The following ZNF382 variants were observed in gnomAD, a reference collection of about 807,000 sequenced individuals.
ZNF382 encodes KRAB/zinc finger suppressor protein 1.
ZNF382 carries 20 observed loss-of-function variants against 38.8 expected under a neutral mutation model. The observed-to-expected ratio is 0.51, with a 90% CI of 0.36 to 0.75. The LOEUF is 0.75. Ranked by LOEUF, ZNF382 falls within the 30% of genes least tolerant of loss-of-function variation. The pLI is 0.00. For missense variants in ZNF382, 546 were observed against 654.1 expected (o/e 0.83, Z 1.80); for synonymous variants, 202 against 223.1 (o/e 0.91, Z 0.84).
chr19:36,611,363 G>A (rs2037076652), intron 4 of ZNF382, among the ~76,000 whole-genome samples: 1 of 151,964 alleles, frequency 6.6e-6, no homozygotes, highest in Non-Finnish European at 1.5e-5. Flanking sequence ...TCTACTTGCT[G>A]TCTCTGTAAA....
Position 36,627,169 on chromosome 19 carries a change from T to A in ZNF382, c.1272T>A (p.Thr424=). 1 of 1,614,150 alleles carries A rather than the reference T, an allele frequency of 6.2e-7. No individual in the cohort carries two copies. The highest frequency in any genetic ancestry group is 2.2e-5 in the East Asian group (1 of 44,880). ...CATTTATCCAGAAGACAACCCTCAC[T>A]GTTCATCAGAGAACTCACACAGGAG... The part of the protein sequence containing the change: ...GKAFIQKTTL[T]VHQRTHTGEK... Residue 424 remains threonine, a synonymous_variant, in exon 5 of 5, where the codon ACT becomes ACA. Transcript: ENST00000292928.
At chr19:36,612,726 C>T (rs1309625739) in intron 4 of ZNF382, among the ~76,000 whole-genome samples, 2 of 152,114 alleles carry the variant, frequency 1.3e-5, no homozygotes, top group Non-Finnish European at 2.9e-5. Flanking sequence ...ATGTTGAAAA[C>T]TTTTTCAAGT....
chr19:36,632,066 T>A lies in ZNF382; in HGVS notation c.*4516T>A, dbSNP rs1171717338. ...GGGCTCAGAATCATCTAGCTGCACA[T>A]TCCTCAGTGGTTTTATTCACACACA... On this transcript the variant is annotated 3_prime_UTR_variant, in exon 5 of 5. Coordinates refer to ENST00000292928, the MANE Select transcript of ZNF382 (RefSeq NM_032825.5). 1 of 152,198 alleles carries A rather than the reference T, an allele frequency of 6.6e-6. No homozygotes were observed. Among genetic ancestry groups the A allele is most frequent in the African/African-American group, 2.4e-5 (1 of 41,462 alleles). The allele number at this position is 152,198 out of a possible 1,614,324, so 9.4% of individuals were successfully genotyped here.
chr19:36,625,570 G>T (rs1056828507), intron 4 of ZNF382, among the ~76,000 whole-genome samples: 1 of 148,638 alleles, frequency 6.7e-6, no homozygotes, highest in Non-Finnish European at 1.5e-5. Flanking sequence ...TTTTTGGGTG[G>T]GGCGGGGGGA....
intron 1 of ZNF382, 71 bp from the exon 2 acceptor site, chr19:36,607,481 T>G: frequency 1.1e-6 from 1 of 892,980 alleles, no homozygotes; most frequent in Non-Finnish European, 1.7e-6. Flanking sequence ...CAGATTTAAC[T>G]GAGTTAATTC....
At position 36,632,693 on chromosome 19, in the gene ZNF382, T is replaced by C. The variant is rs3108167; in HGVS notation, c.*5143T>C. ...CAACCAAGAGTCAGAGCCAGACATC[T>C]GGGCATCGTGGAGATAATTTTAGAG... On this transcript the variant is annotated 3_prime_UTR_variant, in exon 5 of 5. Coordinates refer to ENST00000292928, the MANE Select transcript of ZNF382 (RefSeq NM_032825.5). 103,072 of 152,104 alleles carry C rather than the reference T, an allele frequency of 0.68. 35,343 individuals carry two copies. The highest frequency in any genetic ancestry group is 0.82 in the East Asian group (4,243 of 5,172). The allele number at this position is 152,104 out of a possible 1,614,324, so 9.4% of individuals were successfully genotyped here.
At chr19:36,607,728 A>G (rs1259916464) in intron 2 of ZNF382, 106 bp downstream of exon 2, 1 of 1,233,104 alleles carries the variant, frequency 8.1e-7, no homozygotes, top group African/African-American at 1.5e-5. Context: ...TGCTTCCATG[A>G]AATTAGTCTT....
intron 1 of ZNF382, 51 bp from the exon 2 acceptor site, chr19:36,607,501 T>G (rs2037044024): frequency 2.7e-6 from 3 of 1,115,414 alleles, no homozygotes; most frequent in Non-Finnish European, 3.9e-6. Context: ...CTGGGAGTTC[T>G]GAGTCAAGTA....
intron 4 of ZNF382, among the ~76,000 whole-genome samples, chr19:36,619,813 C>T (rs904203578): frequency 2.6e-5 from 4 of 151,768 alleles, no homozygotes; most frequent in African/African-American, 9.7e-5. Context: ...TCACTGCAAG[C>T]TCCGCCTCCC....
At chr19:36,610,802 GT>G in intron 4 of ZNF382, 60 bp downstream of exon 4, 2 of 1,274,986 alleles carry the variant, frequency 1.6e-6, no homozygotes, top group Non-Finnish European at 2.2e-6. Context: ...GCCTTTGAAT[GT>G]TTTTAGGGAT....
At chr19:36,610,331 C>T (rs1019888240) in intron 3 of ZNF382, among the ~76,000 whole-genome samples, 1 of 151,990 alleles carries the variant, frequency 6.6e-6, no homozygotes, top group African/African-American at 2.4e-5. Context: ...GTGGCACATG[C>T]CTGTAATCCC....
chr19:36,607,061 G>A, intron 1 of ZNF382, among the ~76,000 whole-genome samples: 1 of 142,506 alleles, frequency 7.0e-6, no homozygotes, highest in Non-Finnish European at 1.5e-5. Context: ...TGGGCAACAA[G>A]AGTGAAACTC....
intron 4 of ZNF382, among the ~76,000 whole-genome samples, chr19:36,613,161 C>T (rs2037092543): frequency 2.0e-5 from 3 of 152,170 alleles, no homozygotes; most frequent in Non-Finnish European, 4.4e-5. Flanking sequence ...GAATTCTTTA[C>T]ATACTGTGGA....
At chr19:36,618,579 A>G (rs1488277289) in intron 4 of ZNF382, among the ~76,000 whole-genome samples, 8 of 152,174 alleles carry the variant, frequency 5.3e-5, no homozygotes, top group Non-Finnish European at 8.8e-5. Flanking sequence ...GAGAACATAT[A>G]CCTGGCTAAA....
Position 36,626,911 on chromosome 19 carries a change from C to T in ZNF382, c.1014C>T (p.Ala338=). Residue 338 remains alanine (A), a synonymous_variant, in exon 5 of 5, where the codon GCC becomes GCT. Transcript: ENST00000292928. ...GAAAGGCCTTCCGTCAGAAGACAGC[C>T]CTCACCCTTCATGAGAAAACACATA... ...QCGKAFRQKT[A]LTLHEKTHIE... 1.2e-6 allele frequency: 2 copies of T among 1,614,126 alleles called. No homozygotes were observed. The highest frequency in any genetic ancestry group is 1.7e-5 in the Admixed American group (1 of 60,022).
At chr19:36,618,081 C>G (rs2037139687) in intron 4 of ZNF382, among the ~76,000 whole-genome samples, 1 of 152,026 alleles carries the variant, frequency 6.6e-6, no homozygotes, top group African/African-American at 2.4e-5. Flanking sequence ...ATTTTTTGTT[C>G]TTTTGTTTTG....
Position 36,626,713 on chromosome 19 carries a change from A to C in ZNF382, c.816A>C (p.Lys272Asn). The C allele has an allele frequency of 1.2e-6, 2 of 1,613,960 alleles. No individual in the cohort carries two copies. ...LMEKKPSAYN[K>N]YGKFLCRKPV... The stretch of plus-strand genomic sequence containing the variant: ...AAAAGAAGCCCTCTGCCTACAACAA[A>C]TATGGGAAATTCCTCTGCAGAAAGC... Residue 272 changes from lysine (K) to asparagine (N), a missense_variant, in exon 5 of 5, where the codon AAA (lysine) becomes AAC (asparagine). Transcript: ENST00000292928.
At chr19:36,606,311 ATTTTT>A (rs71171460) in intron 1 of ZNF382, among the ~76,000 whole-genome samples, 73 of 138,698 alleles carry the variant, frequency 5.3e-4, no homozygotes, top group Admixed American at 5.8e-4. Context: ...CATGCAGGAA[ATTTTT>A]TTTTTTTTTT....
chr19:36,622,172 C>A (rs1447312528), intron 4 of ZNF382, among the ~76,000 whole-genome samples: 3 of 152,032 alleles, frequency 2.0e-5, no homozygotes, highest in Non-Finnish European at 2.9e-5. Context: ...TAGGCATGTG[C>A]CACTACACCC....
Sources: gnomAD v4.1 joint callset for allele counts (sites outside exome capture counted in the v4.1 genomes callset) on GRCh38, gnomAD v4.1.1 for gene constraint, MANE v1.5 for transcripts, NCBI Gene and HGNC (gene_info 2026-07-23, HGNC 2026-07-21) for gene names.